FBXL2: variants seen among roughly 807,000 people sequenced by gnomAD.
FBXL2 encodes the protein F-box/LRR-repeat protein 2.
FBXL2 carries 38 observed loss-of-function variants against 69.2 expected under a neutral mutation model. The observed-to-expected ratio is 0.55, with a 90% CI of 0.42 to 0.72. The LOEUF is 0.72. FBXL2 is among the 30% of genes least tolerant of loss of function. The pLI is 0.00. For missense variants in FBXL2, 354 were observed against 520.3 expected, an observed-to-expected ratio of 0.68 and a Z score of 3.11; for synonymous variants, 192 against 201.3, an observed-to-expected ratio of 0.95 and a Z score of 0.39.
intron 2 of FBXL2, among the ~76,000 whole-genome samples, chr3:33,343,195 C>T (rs2040196988): frequency 6.6e-6 from 1 of 151,828 alleles, no homozygotes; most frequent in Admixed American, 6.6e-5. Flanking sequence ...ATTCATATGA[C>T]ACTTAAATCT....
intron 2 of FBXL2, among the ~76,000 whole-genome samples, chr3:33,325,003 C>T (rs1273102803): frequency 1.3e-5 from 2 of 152,082 alleles, no homozygotes; most frequent in Non-Finnish European, 1.5e-5. Flanking sequence ...TAGTTCTCCA[C>T]AAAGAGGTCC....
At chr3:33,390,039 G>C (rs1217602149), downstream of FBXL2, 7 of 380,520 alleles carry the variant, frequency 1.8e-5, no homozygotes, top group East Asian at 2.4e-4. Flanking sequence ...CTGCTTCTAG[G>C]AACTGTATTT....
the FBXL2 span, among the ~76,000 whole-genome samples, chr3:33,410,737 G>A: frequency 6.6e-6 from 1 of 152,038 alleles, no homozygotes; most frequent in Admixed American, 6.5e-5. Flanking sequence ...TTAGAGACAT[G>A]ATATTTATGG....
chr3:33,396,217 T>C, intron 12 of FBXL2: 1 of 1,596,874 alleles, frequency 6.3e-7, no homozygotes, highest in African/African-American at 1.3e-5. Flanking sequence ...GCTGCTGCCC[T>C]TGCAGCACTG....
the FBXL2 span, among the ~76,000 whole-genome samples, chr3:33,418,569 T>C: frequency 6.6e-6 from 1 of 151,846 alleles, no homozygotes; most frequent in South Asian, 2.1e-4. Flanking sequence ...ATAAGAAGTA[T>C]TTAATTAGGC....
chr3:33,310,608 T>G (rs931249658), intron 2 of FBXL2, among the ~76,000 whole-genome samples: 1 of 152,182 alleles, frequency 6.6e-6, no homozygotes, highest in Non-Finnish European at 1.5e-5. Flanking sequence ...TTCTTTTATC[T>G]TTAAGAATTA....
intron 4 of FBXL2, among the ~76,000 whole-genome samples, chr3:33,362,169 G>A (rs2041670596): frequency 6.6e-6 from 1 of 152,160 alleles, no homozygotes; most frequent in Admixed American, 6.5e-5. Flanking sequence ...AGTGCACACG[G>A]TACCTTCCTT....
At chr3:33,384,991 G>GCA (rs1416921487) in intron 14 of FBXL2, among the ~76,000 whole-genome samples, 1 of 152,156 alleles carries the variant, frequency 6.6e-6, no homozygotes, top group Non-Finnish European at 1.5e-5. Context: ...TTGCGCCATT[G>GCA]CACTCCAGCC....
intron 2 of FBXL2, among the ~76,000 whole-genome samples, chr3:33,304,789 C>A (rs919464425): frequency 1.3e-5 from 2 of 152,014 alleles, no homozygotes; most frequent in African/African-American, 4.8e-5. Context: ...CAGTGCCAAA[C>A]TGAATCTCTT....
chr3:33,396,053 T>A, intron 12 of FBXL2: 1 of 991,642 alleles, frequency 1.0e-6, no homozygotes, highest in Non-Finnish European at 1.4e-6. Flanking sequence ...ATGAGCAACT[T>A]GGCATTCCTA....
intron 10 of FBXL2, 143 bp downstream of exon 10, chr3:33,375,561 G>A: frequency 1.2e-6 from 1 of 865,826 alleles, no homozygotes; most frequent in East Asian, 2.6e-5. Context: ...TGGGTAAATT[G>A]GGGTGGGGCG....
chr3:33,383,496 C>G (rs1334491626), intron 13 of FBXL2: 1 of 177,942 alleles, frequency 5.6e-6, no homozygotes, highest in African/African-American at 2.4e-5. Flanking sequence ...TTATAACCTT[C>G]AAAGATGCTC....
chr3:33,415,029 A>T, the FBXL2 span, among the ~76,000 whole-genome samples: 4 of 152,184 alleles, frequency 2.6e-5, no homozygotes, highest in Non-Finnish European at 2.9e-5. Flanking sequence ...TTGTATATTA[A>T]ATGTTTTTAC....
chr3:33,301,509 C>G (rs2036295162), intron 2 of FBXL2, among the ~76,000 whole-genome samples: 1 of 152,186 alleles, frequency 6.6e-6, no homozygotes, highest in Non-Finnish European at 1.5e-5. Flanking sequence ...TTTGAATCCA[C>G]TCAGAAAAAT....
chr3:33,362,284 T>C (rs1290192909), intron 4 of FBXL2, among the ~76,000 whole-genome samples: 7 of 152,248 alleles, frequency 4.6e-5, no homozygotes, highest in African/African-American at 1.7e-4. Context: ...TTCATGGTTA[T>C]TGAAGATTGT....
At chr3:33,364,499 T>A (rs1272516845) in intron 4 of FBXL2, 126 bp from the exon 5 acceptor site, 1 of 828,494 alleles carries the variant, frequency 1.2e-6, no homozygotes, top group Non-Finnish European at 2.0e-6. Context: ...GTTACAGGAA[T>A]GTTCCAAAAT....
intron 2 of FBXL2, among the ~76,000 whole-genome samples, chr3:33,346,845 A>C (rs2125874395): frequency 6.6e-6 from 1 of 152,254 alleles, no homozygotes; most frequent in East Asian, 1.9e-4. Flanking sequence ...AATTTTGTGG[A>C]TACACAGTAA....
At chr3:33,328,809 GTGTGT>G (rs1432013307) in intron 2 of FBXL2, among the ~76,000 whole-genome samples, 1 of 146,302 alleles carries the variant, frequency 6.8e-6, no homozygotes. Context: ...GCATGTGTGT[GTGTGT>G]GTGTGTGTGT....
At chr3:33,300,891 A>G (rs955356319) in intron 2 of FBXL2, among the ~76,000 whole-genome samples, 5 of 145,856 alleles carry the variant, frequency 3.4e-5, no homozygotes, top group South Asian at 2.2e-4. Context: ...TTTTTTTTGT[A>G]TTTTTAGTAG....
Sources: gnomAD v4.1 joint callset for allele counts (sites outside exome capture counted in the v4.1 genomes callset) on GRCh38, gnomAD v4.1.1 for gene constraint, MANE v1.5 for transcripts, NCBI Gene and HGNC (gene_info 2026-07-23, HGNC 2026-07-21) for gene names.